The following CDH18 variants were observed in gnomAD, a reference collection of about 807,000 sequenced individuals.
CDH18 encodes the protein cadherin 18, also known as cadherin-18.
CDH18 carries 31 observed loss-of-function variants against 67.9 expected under a neutral mutation model. The observed-to-expected ratio is 0.46, with a 90% CI of 0.34 to 0.62. The LOEUF is 0.62. Ranked by LOEUF, CDH18 falls within the 20% of genes least tolerant of loss-of-function variation. The probability of loss-of-function intolerance (pLI) is 0.01; values close to 1 mark genes in which losing one functional copy is unlikely to be tolerated. For synonymous variants in CDH18, 362 were observed against 347.2 expected, an observed-to-expected ratio of 1.04 and a Z score of -0.48; for missense variants, 890 against 975.5, an observed-to-expected ratio of 0.91 and a Z score of 1.17.
At chr5:20,070,984 A>G (rs1743433953) in intron 2 of CDH18, among the ~76,000 whole-genome samples, 1 of 152,126 alleles carries the variant, frequency 6.6e-6, no homozygotes, top group Non-Finnish European at 1.5e-5. Context: ...TGAGGTGAAA[A>G]AATTTAATGA....
At chr5:20,014,462 G>C (rs3105781) in intron 2 of CDH18, among the ~76,000 whole-genome samples, 16,765 of 152,096 alleles carry the variant, frequency 0.11, 2,547 homozygotes, top group African/African-American at 0.34. Context: ...GGGTGGATAT[G>C]AGATAATCAT....
At chr5:19,564,144 T>C (rs1739952810) in intron 8 of CDH18, among the ~76,000 whole-genome samples, 1 of 152,154 alleles carries the variant, frequency 6.6e-6, no homozygotes, top group Non-Finnish European at 1.5e-5. Flanking sequence ...TGAAAGGCAG[T>C]CTGGGCCAGA....
intron 4 of CDH18, among the ~76,000 whole-genome samples, chr5:19,729,519 T>C (rs889732983): frequency 3.9e-5 from 6 of 152,218 alleles, no homozygotes; most frequent in African/African-American, 1.2e-4. Context: ...TTTTGTTTTG[T>C]GTGGTCCTTG....
intron 1 of CDH18, among the ~76,000 whole-genome samples, chr5:20,256,069 A>G (rs1217871309): frequency 6.6e-6 from 1 of 151,978 alleles, no homozygotes; most frequent in Non-Finnish European, 1.5e-5. Context: ...TAAAAAATAT[A>G]TATTGTTCTA....
intron 5 of CDH18, among the ~76,000 whole-genome samples, chr5:19,695,520 G>A (rs902806883): frequency 6.6e-6 from 1 of 151,830 alleles, no homozygotes; most frequent in Non-Finnish European, 1.5e-5. Flanking sequence ...TGCATTAGAG[G>A]TTTTTTTTCG....
chr5:20,237,023 T>A (rs975096819), intron 2 of CDH18, among the ~76,000 whole-genome samples: 1 of 151,986 alleles, frequency 6.6e-6, no homozygotes, highest in Non-Finnish European at 1.5e-5. Context: ...GCAAGCTAGA[T>A]TTCTCACAGA....
intron 1 of CDH18, among the ~76,000 whole-genome samples, chr5:20,509,876 A>G (rs1353930868): frequency 1.3e-5 from 2 of 152,156 alleles, no homozygotes; most frequent in Non-Finnish European, 2.9e-5. Context: ...TGTCTTTGGC[A>G]TATTGATTTT....
At position 19,480,747 on chromosome 5, in the gene CDH18, T is replaced by TTTTA. The variant is rs375970613; in HGVS notation, c.1882+2550_1882+2553dup. ...ACATTTACTGTACATATTTATTTGT[T>TTTTA]TTTATTTATTTATTTATTTTTGAGA... On this transcript the variant is annotated intron_variant, in intron 12 of 12. Transcript: ENST00000382275. Among the ~76,000 whole-genome samples, 55 of 151,764 alleles carry TTTTA rather than the reference T, an allele frequency of 3.6e-4. No homozygotes were observed. The East Asian group carries it at 7.2e-3, about 20-fold the overall frequency.
In CDH18 at chr5:20,185,085, C is replaced by T. The variant is rs558162630; in HGVS notation, c.-518+70359G>A. Among the ~76,000 whole-genome samples, 44 of 152,116 alleles carry T rather than the reference C, an allele frequency of 2.9e-4. 1 individual carries two copies. In the South Asian group the frequency reaches 6.8e-3, roughly 24 times the overall value. On this transcript the variant is annotated intron_variant, in intron 2 of 14. Transcript: ENST00000507958. ...CTCTCAAGAAATACTAAAAAATTTC[C>T]AATAAATAGCAACTCTAGTCATCAA... is the stretch of plus-strand genomic sequence containing the variant.
intron 1 of CDH18, among the ~76,000 whole-genome samples, chr5:20,269,650 A>G (rs1439190861): frequency 5.3e-5 from 8 of 152,120 alleles, no homozygotes; most frequent in Non-Finnish European, 7.4e-5. Flanking sequence ...AATCTCACTC[A>G]TAAGTGAGTG....
chr5:20,201,256 T>A (rs1170057132), intron 2 of CDH18, among the ~76,000 whole-genome samples: 3 of 152,064 alleles, frequency 2.0e-5, no homozygotes, highest in Admixed American at 6.6e-5. Flanking sequence ...GTATTCACAT[T>A]TTCTCTTCTT....
At chr5:19,709,244 T>C (rs1207142876) in intron 5 of CDH18, among the ~76,000 whole-genome samples, 2 of 152,110 alleles carry the variant, frequency 1.3e-5, no homozygotes, top group East Asian at 3.9e-4. Context: ...CTGCATAGGA[T>C]GGGAGCTTGA....
At chr5:19,840,258 G>C (rs567776502) in intron 2 of CDH18, among the ~76,000 whole-genome samples, 13 of 128,714 alleles carry the variant, frequency 1.0e-4, no homozygotes, top group African/African-American at 3.5e-4. Flanking sequence ...CTGGGAGACA[G>C]AGTGGGACTC....
chr5:19,584,777 G>T (rs1234432186), intron 7 of CDH18, among the ~76,000 whole-genome samples: 1 of 89,120 alleles, frequency 1.1e-5, no homozygotes, highest in African/African-American at 4.3e-5. Flanking sequence ...GTGAGGCCCC[G>T]TTTCTACTAA....
chr5:20,243,046 G>C (rs1273047016), intron 2 of CDH18, among the ~76,000 whole-genome samples: 2 of 152,248 alleles, frequency 1.3e-5, no homozygotes, highest in East Asian at 3.9e-4. Flanking sequence ...CAAGTAAGTA[G>C]ATATGTGGGT....
At chr5:20,001,676 T>C (rs1045161132) in intron 2 of CDH18, among the ~76,000 whole-genome samples, 1 of 152,178 alleles carries the variant, frequency 6.6e-6, no homozygotes, top group Non-Finnish European at 1.5e-5. Flanking sequence ...CTTTTTTTAC[T>C]GCAAGTCAAT....
At position 20,149,243 on chromosome 5, in the gene CDH18, T is replaced by C. The variant is rs549398129; in HGVS notation, c.-518+106201A>G. On this transcript the variant is annotated intron_variant, in intron 2 of 14. Coordinates refer to the CDH18 transcript ENST00000507958. ...GGCATATATTTACCCTAATTGTTCA[T>C]TGTTACCTTCACTATATAAATACAG... Among the ~76,000 whole-genome samples the C allele has an allele frequency of 2.4e-4, 37 of 152,314 alleles. No homozygotes were observed. The South Asian group carries it at 4.6e-3, about 19-fold the overall frequency.
At chr5:19,580,434 T>C (rs944556982) in intron 7 of CDH18, among the ~76,000 whole-genome samples, 1 of 151,894 alleles carries the variant, frequency 6.6e-6, no homozygotes, top group Non-Finnish European at 1.5e-5. Context: ...AAAAATATTA[T>C]CTAATTCATT....
chr5:19,513,416 C>T (rs36083714), intron 10 of CDH18, among the ~76,000 whole-genome samples: 27,813 of 152,062 alleles, frequency 0.18, 3,118 homozygotes, highest in South Asian at 0.31. Flanking sequence ...TTACAAGAGG[C>T]GGTAAGCCTC....
Sources: gnomAD v4.1 joint callset for allele counts (sites outside exome capture counted in the v4.1 genomes callset) on GRCh38, gnomAD v4.1.1 for gene constraint, MANE v1.5 for transcripts, NCBI Gene and HGNC (gene_info 2026-07-23, HGNC 2026-07-21) for gene names.